HEMK2: variants seen among roughly 807,000 people sequenced by gnomAD.
The protein encoded by HEMK2 is methyltransferase HEMK2.
At chr21:28,849,836 A>G in the HEMK2 span, among the ~76,000 whole-genome samples, 1 of 152,204 alleles carries the variant, frequency 6.6e-6, no homozygotes, top group Non-Finnish European at 1.5e-5. Flanking sequence ...ATAAAGAAGA[A>G]TGAATAAAAC....
At chr21:28,803,717 C>T in the HEMK2 span, among the ~76,000 whole-genome samples, 2 of 152,222 alleles carry the variant, frequency 1.3e-5, no homozygotes, top group African/African-American at 2.4e-5. Context: ...CACCTTCACC[C>T]ACATAGATTT....
At chr21:28,791,631 G>T in the HEMK2 span, among the ~76,000 whole-genome samples, 1 of 152,110 alleles carries the variant, frequency 6.6e-6, no homozygotes, top group African/African-American at 2.4e-5. Flanking sequence ...AGCATTTTGT[G>T]TCAGGGAAGG....
the HEMK2 span, among the ~76,000 whole-genome samples, chr21:28,782,488 G>C: frequency 6.6e-6 from 1 of 152,090 alleles, no homozygotes; most frequent in Non-Finnish European, 1.5e-5. Flanking sequence ...GCATTACTTT[G>C]TGCCTTCACT....
At chr21:28,757,134 T>C in the HEMK2 span, among the ~76,000 whole-genome samples, 1,662 of 152,316 alleles carry the variant, frequency 0.011, 25 homozygotes, top group African/African-American at 0.038. Flanking sequence ...GTATTAGGAA[T>C]ATCAAATTAT....
chr21:28,858,360 C>T, the HEMK2 span, among the ~76,000 whole-genome samples: 4 of 152,176 alleles, frequency 2.6e-5, no homozygotes, highest in Admixed American at 2.6e-4. Context: ...TCATTCTCTG[C>T]ACCAGTTATA....
chr21:28,675,312 T>C, the HEMK2 span, among the ~76,000 whole-genome samples: 1 of 152,188 alleles, frequency 6.6e-6, no homozygotes, highest in African/African-American at 2.4e-5. Context: ...TCCTAAAAGA[T>C]AATAAATGAA....
chr21:28,736,015 A>C, the HEMK2 span, among the ~76,000 whole-genome samples: 2 of 152,194 alleles, frequency 1.3e-5, no homozygotes, highest in African/African-American at 4.8e-5. Context: ...CCAAATTTAA[A>C]TGGTGGGAAA....
the HEMK2 span, among the ~76,000 whole-genome samples, chr21:28,600,996 A>C: frequency 1.3e-5 from 2 of 152,304 alleles, no homozygotes; most frequent in South Asian, 4.1e-4. Context: ...TAAGCCAAAA[A>C]CCTTGGAGTT....
the HEMK2 span, among the ~76,000 whole-genome samples, chr21:28,642,666 G>T: frequency 6.6e-6 from 1 of 152,298 alleles, no homozygotes; most frequent in East Asian, 1.9e-4. Flanking sequence ...GCGGAGGGTG[G>T]CTTTCAGCAG....
the HEMK2 span, among the ~76,000 whole-genome samples, chr21:28,786,442 G>A: frequency 1.2e-3 from 185 of 152,204 alleles, no homozygotes; most frequent in African/African-American, 3.8e-3. Context: ...AGGCTGAGGC[G>A]GGCAGATTAC....
the HEMK2 span, among the ~76,000 whole-genome samples, chr21:28,771,416 C>T: frequency 1.3e-5 from 2 of 151,868 alleles, no homozygotes; most frequent in Admixed American, 1.3e-4. Flanking sequence ...TTTGGTAATG[C>T]CCAGAGACAT....
chr21:28,772,560 G>T, the HEMK2 span, among the ~76,000 whole-genome samples: 1 of 152,088 alleles, frequency 6.6e-6, no homozygotes, highest in Non-Finnish European at 1.5e-5. Flanking sequence ...AGAAAAATAT[G>T]GAATAAGTTA....
chr21:28,783,692 G>T, the HEMK2 span, among the ~76,000 whole-genome samples: 1 of 152,200 alleles, frequency 6.6e-6, no homozygotes, highest in Non-Finnish European at 1.5e-5. Context: ...CTGCACTATG[G>T]GAGCCCCTCT....
chr21:28,843,063 T>C, the HEMK2 span, among the ~76,000 whole-genome samples: 1 of 152,184 alleles, frequency 6.6e-6, no homozygotes, highest in African/African-American at 2.4e-5. Context: ...AAAGTAAATG[T>C]TCATTTTGTC....
At chr21:28,689,215 C>A in the HEMK2 span, among the ~76,000 whole-genome samples, 1 of 152,160 alleles carries the variant, frequency 6.6e-6, no homozygotes, top group Non-Finnish European at 1.5e-5. Flanking sequence ...ACCTGAGCAT[C>A]CACTATAAAG....
At chr21:28,784,377 C>T in the HEMK2 span, among the ~76,000 whole-genome samples, 1 of 152,042 alleles carries the variant, frequency 6.6e-6, no homozygotes, top group East Asian at 1.9e-4. Flanking sequence ...CACCCTGTGT[C>T]TAGCTCAAGG....
the HEMK2 span, among the ~76,000 whole-genome samples, chr21:28,689,458 G>A: frequency 6.6e-6 from 1 of 151,898 alleles, no homozygotes; most frequent in Non-Finnish European, 1.5e-5. Context: ...CCTTTGGTAA[G>A]TATCTTTCAA....
the HEMK2 span, among the ~76,000 whole-genome samples, chr21:28,852,153 A>G: frequency 6.6e-6 from 1 of 152,206 alleles, no homozygotes; most frequent in African/African-American, 2.4e-5. Context: ...AATCTCTGCA[A>G]TCCCTCCAGG....
At chr21:28,792,600 A>C in the HEMK2 span, among the ~76,000 whole-genome samples, 1 of 152,144 alleles carries the variant, frequency 6.6e-6, no homozygotes, top group South Asian at 2.1e-4. Context: ...ACTTGGTACA[A>C]TAAGAGAAAT....
Sources: gnomAD v4.1 joint callset for allele counts (sites outside exome capture counted in the v4.1 genomes callset) on GRCh38, gnomAD v4.1.1 for gene constraint, MANE v1.5 for transcripts, NCBI Gene and HGNC (gene_info 2026-07-23, HGNC 2026-07-21) for gene names.